The following GTF2F2 variants were observed in gnomAD, a reference collection of about 807,000 sequenced individuals.
GTF2F2 encodes the protein general transcription factor IIF subunit 2.
Under a neutral mutation model 42.2 loss-of-function variants are expected in GTF2F2, and 23 were observed. The observed-to-expected ratio is 0.55, with a 90% confidence interval of 0.39 to 0.77. The LOEUF (loss-of-function observed/expected upper bound fraction) is 0.77. GTF2F2 is among the 30% of genes least tolerant of loss of function. The pLI is 0.00. For synonymous variants in GTF2F2, 105 were observed against 100.8 expected, an observed-to-expected ratio of 1.04 and a Z score of -0.25; for missense variants, 261 against 287.2, an observed-to-expected ratio of 0.91 and a Z score of 0.66.
chr13:45,152,280 T>C (rs1870539347), intron 4 of GTF2F2, among the ~76,000 whole-genome samples: 1 of 152,204 alleles, frequency 6.6e-6, no homozygotes, highest in African/African-American at 2.4e-5. Context: ...ACCTCTGTTA[T>C]TCATACTATG....
chr13:45,200,575 T>C (rs1365888963), intron 4 of GTF2F2, among the ~76,000 whole-genome samples: 1 of 152,204 alleles, frequency 6.6e-6, no homozygotes, highest in Non-Finnish European at 1.5e-5. Flanking sequence ...ATTACAGATG[T>C]GAGCCACCAT....
intron 4 of GTF2F2, among the ~76,000 whole-genome samples, chr13:45,196,904 T>C (rs1276357855): frequency 6.6e-6 from 1 of 152,094 alleles, no homozygotes; most frequent in African/African-American, 2.4e-5. Flanking sequence ...CACCTTACAC[T>C]TCCTAGCTCA....
At chr13:45,143,790 A>G (rs573626983) in intron 2 of GTF2F2, among the ~76,000 whole-genome samples, 1 of 152,316 alleles carries the variant, frequency 6.6e-6, no homozygotes, top group South Asian at 2.1e-4. Context: ...TAATACTCGA[A>G]AAAAGGAGAG....
At chr13:45,166,500 A>G (rs1211116791) in intron 4 of GTF2F2, among the ~76,000 whole-genome samples, 1 of 152,228 alleles carries the variant, frequency 6.6e-6, no homozygotes. Context: ...TGAGGTACTG[A>G]TGTCAAACTG....
intron 5 of GTF2F2, among the ~76,000 whole-genome samples, chr13:45,245,980 C>T (rs1041330858): frequency 9.5e-5 from 14 of 147,326 alleles, no homozygotes; most frequent in Admixed American, 6.2e-4. Context: ...ACCACATCCA[C>T]GCCAACATCT....
intron 4 of GTF2F2, among the ~76,000 whole-genome samples, chr13:45,192,568 C>A (rs779977516): frequency 2.7e-4 from 41 of 152,006 alleles, no homozygotes; most frequent in Non-Finnish European, 5.4e-4. Context: ...ATATTTTGTT[C>A]TTAGAAGTTA....
intron 4 of GTF2F2, among the ~76,000 whole-genome samples, chr13:45,163,104 C>A (rs1305969700): frequency 6.6e-6 from 1 of 152,044 alleles, no homozygotes; most frequent in Non-Finnish European, 1.5e-5. Flanking sequence ...AAATTTCTAA[C>A]AATTGTGGAA....
intron 7 of GTF2F2, among the ~76,000 whole-genome samples, chr13:45,282,801 G>A (rs866423266): frequency 1.3e-5 from 2 of 152,248 alleles, no homozygotes; most frequent in African/African-American, 4.8e-5. Flanking sequence ...CACCAAGCCC[G>A]GCCTTATTAT....
intron 4 of GTF2F2, among the ~76,000 whole-genome samples, chr13:45,161,337 G>A (rs933906569): frequency 6.6e-6 from 1 of 152,070 alleles, no homozygotes; most frequent in African/African-American, 2.4e-5. Flanking sequence ...GGACCCCTGG[G>A]GATTTATAGA....
intron 5 of GTF2F2, among the ~76,000 whole-genome samples, chr13:45,211,705 A>C (rs1873651032): frequency 6.6e-6 from 1 of 151,452 alleles, no homozygotes; most frequent in Non-Finnish European, 1.5e-5. Context: ...CTCCTGCCTC[A>C]GCCTCCCAAG....
intron 7 of GTF2F2, among the ~76,000 whole-genome samples, chr13:45,281,864 G>T (rs185030737): frequency 9.8e-5 from 15 of 152,300 alleles, no homozygotes; most frequent in African/African-American, 3.1e-4. Context: ...ATTATTGTTG[G>T]ATTGCTTTGT....
At chr13:45,174,640 T>TTTTC (rs1871781232) in intron 4 of GTF2F2, among the ~76,000 whole-genome samples, 6 of 149,004 alleles carry the variant, frequency 4.0e-5, no homozygotes, top group African/African-American at 1.5e-4. Flanking sequence ...TTTTCTTTTT[T>TTTTC]TTTTTTTTTT....
intron 5 of GTF2F2, among the ~76,000 whole-genome samples, chr13:45,244,559 T>C (rs1051603002): frequency 1.3e-5 from 2 of 152,240 alleles, no homozygotes; most frequent in African/African-American, 4.8e-5. Context: ...ATAATAATAA[T>C]AGAAAGACTA....
At position 45,120,731 on chromosome 13, in the gene GTF2F2, G is replaced by C. The variant is rs1289868057; in HGVS notation, c.66+10G>C. On this transcript the variant is annotated intron_variant, in intron 1 of 7. Transcript: ENST00000340473. ...AGTGTGGCTAGTCAAGGTAATGTTC[G>C]CGAGTCTCCCACTTGCGCTCCTCCT... 1 of 1,547,430 alleles carries C rather than the reference G, an allele frequency of 6.5e-7. No homozygotes were observed. Among genetic ancestry groups the C allele is most frequent in the Non-Finnish European group, 8.8e-7 (1 of 1,142,192 alleles).
chr13:45,194,745 C>T (rs1169909819), intron 4 of GTF2F2: 1 of 609,088 alleles, frequency 1.6e-6, no homozygotes. Context: ...CCTATGTATG[C>T]AGGAGCTTTC....
At chr13:45,198,118 G>A (rs1872994627) in intron 4 of GTF2F2, among the ~76,000 whole-genome samples, 2 of 152,322 alleles carry the variant, frequency 1.3e-5, no homozygotes, top group South Asian at 2.1e-4. Context: ...CTTAGTATGA[G>A]TATATCCTAT....
chr13:45,212,064 A>G (rs1434701693), intron 5 of GTF2F2, among the ~76,000 whole-genome samples: 1 of 152,192 alleles, frequency 6.6e-6, no homozygotes, highest in African/African-American at 2.4e-5. Context: ...CGTGGAGGAA[A>G]GGCATAGCAA....
intron 5 of GTF2F2, among the ~76,000 whole-genome samples, chr13:45,241,759 C>T (rs1875322911): frequency 6.6e-6 from 1 of 152,172 alleles, no homozygotes; most frequent in African/African-American, 2.4e-5. Context: ...AAATAACCCT[C>T]TCTGATGAAA....
At chr13:45,210,748 G>A (rs895640967) in intron 5 of GTF2F2, among the ~76,000 whole-genome samples, 1 of 152,188 alleles carries the variant, frequency 6.6e-6, no homozygotes, top group Admixed American at 6.5e-5. Context: ...AAATGTTAAA[G>A]AGTCTTAGAT....
Sources: allele counts gnomAD v4.1 joint callset (sites outside exome capture counted in the v4.1 genomes callset), GRCh38; gene constraint gnomAD v4.1.1; transcripts MANE v1.5; gene names NCBI Gene and HGNC (gene_info 2026-07-23, HGNC 2026-07-21).